Variants in TMEM178B observed in about 807,000 individuals in gnomAD.
TMEM178B encodes the protein transmembrane protein 178B.
Under a neutral mutation model 31.0 loss-of-function variants are expected in TMEM178B, and 5 were observed. The observed-to-expected ratio is 0.16, with a 90% CI of 0.08 to 0.34. The LOEUF (loss-of-function observed/expected upper bound fraction) is 0.34, where lower values mean the gene tolerates loss of function less well. TMEM178B is among the 10% of genes least tolerant of loss of function. TMEM178B has a pLI of 1.00. For synonymous variants in TMEM178B, 164 were observed against 164.0 expected, an observed-to-expected ratio of 1.00 and a Z score of 0.00; for missense variants, 275 against 400.3, an observed-to-expected ratio of 0.69 and a Z score of 2.67.
chr7:141,353,197 G>A (rs150272262), intron 2 of TMEM178B, among the ~76,000 whole-genome samples: 10 of 152,180 alleles, frequency 6.6e-5, no homozygotes, highest in Middle Eastern at 3.4e-3. Flanking sequence ...CAACATATCG[G>A]CTGAGTTCGC....
intron 1 of TMEM178B, among the ~76,000 whole-genome samples, chr7:141,185,263 G>GAAA (rs1796591757): frequency 6.6e-6 from 1 of 152,236 alleles, no homozygotes; most frequent in Non-Finnish European, 1.5e-5. Context: ...CTCCAGGACA[G>GAAA]AGGGCTTTCT....
intron 2 of TMEM178B, among the ~76,000 whole-genome samples, chr7:141,370,993 G>A (rs115732578): frequency 1.6e-4 from 24 of 152,334 alleles, no homozygotes; most frequent in African/African-American, 5.1e-4. Flanking sequence ...CTGTGTACTC[G>A]CACTGACAGA....
intron 1 of TMEM178B, among the ~76,000 whole-genome samples, chr7:141,159,401 A>G (rs758254122): frequency 2.6e-5 from 4 of 152,206 alleles, no homozygotes; most frequent in Non-Finnish European, 4.4e-5. Flanking sequence ...AGCTCCCCCA[A>G]AAATTAAATA....
chr7:141,389,350 GC>G (rs1800492642), intron 2 of TMEM178B, among the ~76,000 whole-genome samples: 1 of 152,172 alleles, frequency 6.6e-6, no homozygotes, highest in Admixed American at 6.5e-5. Flanking sequence ...TCTCCTGACA[GC>G]CCCTTCTGGA....
At chr7:141,485,908 G>A in the TMEM178B span, among the ~76,000 whole-genome samples, 1 of 152,184 alleles carries the variant, frequency 6.6e-6, no homozygotes, top group Non-Finnish European at 1.5e-5. Flanking sequence ...CAATCTCTCA[G>A]TTGTGTTAGG....
intron 1 of TMEM178B, among the ~76,000 whole-genome samples, chr7:141,149,677 C>G (rs980262269): frequency 2.0e-5 from 3 of 152,112 alleles, no homozygotes; most frequent in African/African-American, 7.2e-5. Flanking sequence ...TACAGAGACC[C>G]CTGGGGAGAA....
Position 141,358,929 on chromosome 7 carries a change from C to T in TMEM178B, c.497-78679C>T, listed in dbSNP as rs78903924. On this transcript the variant is annotated intron_variant, in intron 2 of 3. Transcript: ENST00000565468. ...TCCCAGCTACTCAGTCCTTCACACACGTGCCACATGCACCCACTCACCTCT... is the reference window on the plus strand; with the variant it reads ...TCCCAGCTACTCAGTCCTTCACACATGTGCCACATGCACCCACTCACCTCT... Among the ~76,000 whole-genome samples, 112 of 152,332 alleles carry T rather than the reference C, an allele frequency of 7.4e-4. No homozygotes were observed. In the East Asian group the frequency reaches 0.02, roughly 27 times the overall value.
intron 1 of TMEM178B, among the ~76,000 whole-genome samples, chr7:141,134,715 G>A (rs1306521553): frequency 6.6e-6 from 1 of 152,196 alleles, no homozygotes; most frequent in East Asian, 1.9e-4. Context: ...ATCTCACTTA[G>A]AAGATATAGA....
intron 2 of TMEM178B, among the ~76,000 whole-genome samples, chr7:141,229,100 GGT>G (rs3035765): frequency 0.043 from 5,732 of 134,660 alleles, 140 homozygotes; most frequent in East Asian, 0.13. Context: ...GTGTGTGTGT[GGT>G]GTGTGTGTGT....
intron 2 of TMEM178B, among the ~76,000 whole-genome samples, chr7:141,284,111 C>T (rs1321579023): frequency 1.3e-5 from 2 of 152,184 alleles, no homozygotes; most frequent in African/African-American, 4.8e-5. Flanking sequence ...ATCCTCACAG[C>T]AAATGAACAA....
At chr7:141,290,857 GAA>G (rs2116420920) in intron 2 of TMEM178B, among the ~76,000 whole-genome samples, 1 of 152,310 alleles carries the variant, frequency 6.6e-6, no homozygotes, top group African/African-American at 2.4e-5. Context: ...TGATGGCTGG[GAA>G]TAGTGACCAC....
At chr7:141,125,425 G>A (rs917074749) in intron 1 of TMEM178B, among the ~76,000 whole-genome samples, 1 of 152,080 alleles carries the variant, frequency 6.6e-6, no homozygotes. Context: ...GCTCACACCT[G>A]TAATCCCAGC....
intron 2 of TMEM178B, among the ~76,000 whole-genome samples, chr7:141,270,770 G>T (rs1040834130): frequency 2.8e-4 from 43 of 152,280 alleles, no homozygotes; most frequent in African/African-American, 9.1e-4. Flanking sequence ...CCTTAGTAAC[G>T]ATGTCGTTAT....
Position 141,384,569 on chromosome 7 carries a change from G to A in TMEM178B, c.497-53039G>A, listed in dbSNP as rs1032115196. ...CTGAGAGCTCTGTTCTGTTCCATTG[G>A]TCTATATCTCTGTTTTGGTACCAGT... On this transcript the variant is annotated intron_variant, in intron 2 of 3. Transcript: ENST00000565468. Among the ~76,000 whole-genome samples, 6 of 152,226 alleles carry A rather than the reference G, an allele frequency of 3.9e-5. No homozygotes were observed. The South Asian group carries it at 1.0e-3, about 26-fold the overall frequency.
At position 141,200,763 on chromosome 7, in the gene TMEM178B, C is replaced by T. The variant is rs149270704; in HGVS notation, c.383-11828C>T. Among the ~76,000 whole-genome samples the T allele has an allele frequency of 2.6e-5, 4 of 152,088 alleles. No individual in the cohort carries two copies. In the South Asian group the frequency reaches 6.2e-4, roughly 24 times the overall value. On this transcript the variant is annotated intron_variant, in intron 1 of 3. Transcript: ENST00000565468. The stretch of plus-strand genomic sequence containing the variant: ...TCCAGGTGGCCAAAAGAGGAACGTA[C>T]GGAGGCAGATCAGGGAGGGAGCTGA...
Position 141,192,197 on chromosome 7 carries a change from A to G in TMEM178B, c.383-20394A>G, listed in dbSNP as rs189693582. 1.5e-3 allele frequency among the ~76,000 whole-genome samples: 232 copies of G among 152,312 alleles called. 4 individuals are homozygous for G. The highest frequency in any genetic ancestry group is 5.2e-3 in the African/African-American group (216 of 41,572). ...GCCCAGTTCTTCTATCACCTAGGCA[A>G]CAGAGAGAGGCAGAGCCCTACTGGG... On this transcript the variant is annotated intron_variant, in intron 1 of 3. Coordinates refer to ENST00000565468, the MANE Select transcript of TMEM178B (RefSeq NM_001195278.2).
chr7:141,242,910 G>C (rs1414381207), intron 2 of TMEM178B, among the ~76,000 whole-genome samples: 1 of 151,956 alleles, frequency 6.6e-6, no homozygotes, highest in Non-Finnish European at 1.5e-5. Flanking sequence ...CCTGTCTCCT[G>C]TCTTTATGTC....
chr7:141,347,897 G>A (rs1301978003), intron 2 of TMEM178B, among the ~76,000 whole-genome samples: 1 of 152,142 alleles, frequency 6.6e-6, no homozygotes, highest in Non-Finnish European at 1.5e-5. Flanking sequence ...GGACAATCTT[G>A]CCTTATCACA....
At chr7:141,410,416 T>A (rs550602865) in intron 2 of TMEM178B, among the ~76,000 whole-genome samples, 7 of 25,692 alleles carry the variant, frequency 2.7e-4, no homozygotes, top group Non-Finnish European at 2.7e-4. Flanking sequence ...TCTTTTCTTT[T>A]CTTCTGTTTT....
Sources: allele counts gnomAD v4.1 joint callset (sites outside exome capture counted in the v4.1 genomes callset), GRCh38; gene constraint gnomAD v4.1.1; transcripts MANE v1.5; gene names NCBI Gene and HGNC (gene_info 2026-07-23, HGNC 2026-07-21).